GSR: variants seen among roughly 807,000 people sequenced by gnomAD.
The protein encoded by GSR is glutathione-disulfide reductase.
GSR carries 48 observed loss-of-function variants against 56.5 expected under a neutral mutation model. That is an observed-to-expected ratio of 0.85 (90% CI 0.67 to 1.08). GSR has a LOEUF of 1.08. Among genes scored for constraint, GSR ranks in the 50% least tolerant of loss-of-function variants. GSR has a pLI of 0.00. For missense variants in GSR, 694 were observed against 703.3 expected (o/e 0.99, Z 0.15); for synonymous variants, 264 against 270.8 (o/e 0.97, Z 0.25).
chr8:30,680,275 C>T (rs1185509128), intron 12 of GSR, among the ~76,000 whole-genome samples: 1 of 151,544 alleles, frequency 6.6e-6, no homozygotes, highest in East Asian at 1.9e-4. Context: ...CACCATGCTG[C>T]CCAAGCTACT....
intron 2 of GSR, 42 bp from the exon 3 acceptor site, chr8:30,709,944 A>T: frequency 9.3e-7 from 1 of 1,070,984 alleles, no homozygotes; most frequent in Non-Finnish European, 1.4e-6. Flanking sequence ...ACAGCAGTAA[A>T]TCAGTCCTGA....
At chr8:30,686,312 T>A (rs1803158983) in intron 9 of GSR, among the ~76,000 whole-genome samples, 1 of 152,052 alleles carries the variant, frequency 6.6e-6, no homozygotes, top group Admixed American at 6.6e-5. Flanking sequence ...CACATAGTAA[T>A]CACTCAATTT....
chr8:30,710,293 G>C (rs930135704), intron 2 of GSR, among the ~76,000 whole-genome samples: 31 of 152,132 alleles, frequency 2.0e-4, no homozygotes, highest in African/African-American at 6.0e-4. Flanking sequence ...TCCAGCCTGA[G>C]TGACAGAGTC....
intron 7 of GSR, among the ~76,000 whole-genome samples, chr8:30,693,301 TCTC>T (rs1232675695): frequency 6.6e-6 from 1 of 152,282 alleles, no homozygotes; most frequent in East Asian, 1.9e-4. Context: ...TCCACTGTCT[TCTC>T]CTCACAAAGC....
intron 1 of GSR, among the ~76,000 whole-genome samples, chr8:30,723,519 G>A (rs375486158): frequency 6.6e-6 from 1 of 151,710 alleles, no homozygotes; most frequent in Non-Finnish European, 1.5e-5. Context: ...TGCCAGACGC[G>A]GTGGCTCATA....
chr8:30,681,989 T>A lies in GSR; in HGVS notation c.1226A>T (p.Asn409Ile). Residue 409 changes from asparagine (N) to isoleucine (I), a missense_variant, in exon 11 of 13, where the codon AAC becomes ATC. Physicochemically the swap from Asn to Ile is moderately radical, Grantham distance 149 (BLOSUM62 -3). Coordinates refer to ENST00000221130, the MANE Select transcript of GSR (RefSeq NM_000637.5). Reference sequence around the variant, plus strand: ...GCTGAAGACCACAGTTGGGATGTTGTTATAATCTAATTTGGAATCTTCCTT... The same window carrying A: ...GCTGAAGACCACAGTTGGGATGTTGATATAATCTAATTTGGAATCTTCCTT... The part of the protein sequence containing the change: ...EYKEDSKLDY[N>I]NIPTVVFSHP... The A allele has an allele frequency of 6.2e-7, 1 of 1,613,422 alleles. No homozygotes were observed. Among genetic ancestry groups the A allele is most frequent in the Non-Finnish European group, 8.5e-7 (1 of 1,179,356 alleles).
chr8:30,708,872 T>C (rs1317751486), intron 3 of GSR, among the ~76,000 whole-genome samples: 3 of 146,020 alleles, frequency 2.1e-5, no homozygotes, highest in African/African-American at 7.7e-5. Context: ...GGCAGGAGAA[T>C]GGCGTGAACC....
chr8:30,692,447 C>T (rs530153894), intron 8 of GSR, among the ~76,000 whole-genome samples: 55 of 146,850 alleles, frequency 3.7e-4, no homozygotes, highest in African/African-American at 1.0e-3. Context: ...CCGCCTGCCT[C>T]GACCTCCCAA....
chr8:30,683,822 A>T (rs1463018903), intron 10 of GSR, among the ~76,000 whole-genome samples: 1 of 151,992 alleles, frequency 6.6e-6, no homozygotes, highest in Non-Finnish European at 1.5e-5. Context: ...GCCACCAAGC[A>T]CAAGTCTGCT....
intron 8 of GSR, 72 bp from the exon 9 acceptor site, chr8:30,689,391 C>T: frequency 8.2e-7 from 1 of 1,219,102 alleles, no homozygotes; most frequent in South Asian, 1.2e-5. Flanking sequence ...AAAGCAAATA[C>T]AGAGGAAACT....
intron 4 of GSR, 51 bp downstream of exon 4, chr8:30,708,021 A>C: frequency 9.0e-7 from 1 of 1,112,006 alleles, no homozygotes; most frequent in Non-Finnish European, 1.4e-6. Context: ...TTAGCTGAGT[A>C]CTCAAGAAGG....
chr8:30,697,457 C>A (rs986067740), intron 6 of GSR, among the ~76,000 whole-genome samples: 1 of 146,612 alleles, frequency 6.8e-6, no homozygotes, highest in African/African-American at 2.5e-5. Flanking sequence ...AAACAAAAAA[C>A]CCCTAAAAGT....
chr8:30,678,752 T>C lies in GSR; in HGVS notation c.*768A>G, dbSNP rs1431234229. The C allele has an allele frequency of 6.6e-6, 1 of 152,176 alleles. No homozygotes were observed. The highest frequency in any genetic ancestry group is 2.4e-5 in the African/African-American group (1 of 41,440). The allele number at this position is 152,176 out of a possible 1,614,324, so 9.4% of individuals were successfully genotyped here. On this transcript the variant is annotated 3_prime_UTR_variant, in exon 13 of 13. Transcript: ENST00000221130. Reference sequence around the variant, plus strand: ...TGCTTTTAGAAAAAGGTCTCATCCTTGAAGCAGCTTTGTTATATGCAGAGC... The same window carrying C: ...TGCTTTTAGAAAAAGGTCTCATCCTCGAAGCAGCTTTGTTATATGCAGAGC...
chr8:30,689,034 G>A, intron 9 of GSR, 127 bp downstream of exon 9: 1 of 795,102 alleles, frequency 1.3e-6, no homozygotes, highest in East Asian at 2.6e-5. Flanking sequence ...ATCACAAACT[G>A]AATACATGGG....
At chr8:30,701,519 G>A (rs1267063065) in intron 5 of GSR, among the ~76,000 whole-genome samples, 1 of 151,824 alleles carries the variant, frequency 6.6e-6, no homozygotes, top group African/African-American at 2.4e-5. Context: ...GCCGGGTGCA[G>A]TGGCTCACAC....
chr8:30,684,131 G>A lies in GSR; in HGVS notation c.1110C>T (p.Ile370=), dbSNP rs753737407. 6.2e-7 allele frequency: 1 copy of A among 1,608,066 alleles called. No individual in the cohort carries two copies. Among genetic ancestry groups the A allele is most frequent in the South Asian group, 1.1e-5 (1 of 90,944 alleles). ...DEFQNTNVKG[I]YAVGDVCGKA... ...TTCCACATACATCCCCAACTGCATA[G>A]ATGCCTTTGACGTTGGTATTCTGGA... The change falls in exon 10 of 13, where the codon ATC becomes ATT. Residue 370 remains isoleucine (I), a synonymous_variant. Coordinates refer to ENST00000221130, the MANE Select transcript of GSR (RefSeq NM_000637.5).
Position 30,681,875 on chromosome 8 carries a change from G to A in GSR, c.1285+55C>T, listed in dbSNP as rs970303639. Reference sequence around the variant, plus strand: ...TGACAGAGACCTAATTTAAAGTTGGGGGCAGGGGAAAGAGGAAGGAAACCA... The same window carrying A: ...TGACAGAGACCTAATTTAAAGTTGGAGGCAGGGGAAAGAGGAAGGAAACCA... On this transcript the variant is annotated intron_variant, in intron 11 of 12. Transcript: ENST00000221130. 8.4e-6 allele frequency: 13 copies of A among 1,553,290 alleles called. No homozygotes were observed. In the Admixed American group the frequency reaches 2.2e-4, roughly 26 times the overall value.
chr8:30,708,053 A>G lies in GSR; in HGVS notation c.492+19T>C. On this transcript the variant is annotated intron_variant, in intron 4 of 12. Transcript: ENST00000221130. Reference sequence around the variant, plus strand: ...AAGGGAACAGCTCTTTCTCAAAGTTAAAAACCCAGCATACACACCTTGGTG... The same window carrying G: ...AAGGGAACAGCTCTTTCTCAAAGTTGAAAACCCAGCATACACACCTTGGTG... 6.3e-7 allele frequency: 1 copy of G among 1,581,484 alleles called. No individual in the cohort carries two copies. Among genetic ancestry groups the G allele is most frequent in the Non-Finnish European group, 8.7e-7 (1 of 1,150,246 alleles).
At chr8:30,725,788 G>A (rs1022625863) in intron 1 of GSR, among the ~76,000 whole-genome samples, 2 of 145,280 alleles carry the variant, frequency 1.4e-5, no homozygotes, top group African/African-American at 2.6e-5. Context: ...AGGCTGAGAC[G>A]GGAGAACTGC....
Sources: gnomAD v4.1 joint callset for allele counts (sites outside exome capture counted in the v4.1 genomes callset) on GRCh38, gnomAD v4.1.1 for gene constraint, MANE v1.5 for transcripts, NCBI Gene and HGNC (gene_info 2026-07-23, HGNC 2026-07-21) for gene names.